NDEL1: variants seen among roughly 807,000 people sequenced by gnomAD.
The protein encoded by NDEL1 is nudE neurodevelopment protein 1 like 1.
In NDEL1, 9 loss-of-function variants were observed where a neutral mutation model predicts 45.7. That is an observed-to-expected ratio of 0.20 (90% confidence interval 0.12 to 0.34). NDEL1 has a LOEUF of 0.34. NDEL1 is among the 10% of genes least tolerant of loss of function. NDEL1 has a pLI of 1.00. For missense variants in NDEL1, 306 were observed against 406.2 expected, an observed-to-expected ratio of 0.75 and a Z score of 2.12; for synonymous variants, 133 against 158.6, an observed-to-expected ratio of 0.84 and a Z score of 1.21.
At chr17:8,439,489 A>C (rs1433034959) in intron 1 of NDEL1, among the ~76,000 whole-genome samples, 1 of 145,130 alleles carries the variant, frequency 6.9e-6, no homozygotes, top group East Asian at 2.1e-4. Flanking sequence ...CCTAACCTCA[A>C]GTGATCCGCC....
chr17:8,444,645 C>T (rs923574497), intron 2 of NDEL1: 11 of 272,180 alleles, frequency 4.0e-5, no homozygotes, highest in African/African-American at 2.3e-4. Flanking sequence ...ATCTTTGGCC[C>T]GTTTTGCATG....
At chr17:8,460,201 A>C in intron 8 of NDEL1, 41 bp downstream of exon 8, 1 of 1,589,654 alleles carries the variant, frequency 6.3e-7, no homozygotes. Context: ...TTTGAGTAGT[A>C]AAGTGACAGG....
chr17:8,436,158 G>GCGGGC (rs1020545077), intron 1 of NDEL1, 113 bp downstream of exon 1: 8 of 252,958 alleles, frequency 3.2e-5, no homozygotes, highest in South Asian at 1.7e-4. Flanking sequence ...CTCCGCCGGG[G>GCGGGC]CGGGCCGGGC....
At chr17:8,420,592 C>G (rs113947879) in intron 1 of NDEL1, among the ~76,000 whole-genome samples, 1 of 152,180 alleles carries the variant, frequency 6.6e-6, no homozygotes, top group African/African-American at 2.4e-5. Context: ...GGGGCCTGGA[C>G]GCTGTCCAGA....
intron 3 of NDEL1, 104 bp from the exon 4 acceptor site, chr17:8,446,650 G>A: frequency 9.0e-7 from 1 of 1,108,976 alleles, no homozygotes; most frequent in Non-Finnish European, 1.2e-6. Context: ...CAAGAGTGTG[G>A]GTAAATTCCT....
In NDEL1 at chr17:8,446,666, T is replaced by TCCTC; in HGVS notation, c.241-86_241-85insTCCC. ...AAGAGTGTGGGTAAATTCCTTGGGTTCCCCCCCACCCTTTTAACTTGAGTT... is the reference window on the plus strand; with the variant it reads ...AAGAGTGTGGGTAAATTCCTTGGGTTCCTCCCCCCCCACCCTTTTAACTTGAGTT... On this transcript the variant is annotated intron_variant, in intron 3 of 8. Coordinates refer to ENST00000334527, the MANE Select transcript of NDEL1 (RefSeq NM_030808.5). 3.2e-6 allele frequency: 4 copies of TCCTC among 1,262,256 alleles called. 1 individual carries two copies. The South Asian group carries it at 6.4e-5, about 20-fold the overall frequency. 78.2% of individuals were successfully genotyped at this position (1,262,256 alleles called of 1,614,324 possible). A position where few individuals can be genotyped will look rare whatever the true frequency, so the allele number is the denominator to read the frequency against.
intron 1 of NDEL1, among the ~76,000 whole-genome samples, chr17:8,440,144 C>CCA (rs1027530542): frequency 5.3e-5 from 8 of 152,104 alleles, no homozygotes; most frequent in African/African-American, 1.4e-4. Context: ...GTTAGAGGGG[C>CCA]CAATAAGCGG....
chr17:8,416,683 A>G (rs756029229), intron 1 of NDEL1, among the ~76,000 whole-genome samples: 1 of 152,128 alleles, frequency 6.6e-6, no homozygotes, highest in African/African-American at 2.4e-5. Flanking sequence ...GACCCTTTCA[A>G]TCTGGGTGCT....
At chr17:8,459,894 A>G in intron 7 of NDEL1, 115 bp from the exon 8 acceptor site, 1 of 1,047,922 alleles carries the variant, frequency 9.5e-7, no homozygotes, top group Non-Finnish European at 1.4e-6. Context: ...ACTAACCACC[A>G]TTATCAACTG....
At chr17:8,435,849 C>T (rs770246177), upstream of NDEL1, 12 of 446,414 alleles carry the variant, frequency 2.7e-5, no homozygotes, top group South Asian at 1.7e-4. Flanking sequence ...GAGCCCCGCC[C>T]CCGTGCGTCA....
intron 8 of NDEL1, chr17:8,463,283 G>C: frequency 6.4e-7 from 1 of 1,552,258 alleles, no homozygotes; most frequent in Non-Finnish European, 8.9e-7. Context: ...AATAGTATTC[G>C]TATTACTGTT....
intron 2 of NDEL1, 130 bp from the exon 3 acceptor site, chr17:8,445,581 A>G (rs1910029937): frequency 2.1e-6 from 2 of 936,990 alleles, no homozygotes; most frequent in Admixed American, 7.7e-5. Flanking sequence ...TGCAAAACAG[A>G]TTGTCTTTAG....
In NDEL1 at chr17:8,459,939, G is replaced by T. The variant is rs1175503529; in HGVS notation, c.793-70G>T. 5 of 1,497,332 alleles carry T rather than the reference G, an allele frequency of 3.3e-6. No individual in the cohort carries two copies. The East Asian group carries it at 1.1e-4, about 34-fold the overall frequency. 92.8% of individuals were successfully genotyped at this position (1,497,332 alleles called of 1,614,324 possible). On this transcript the variant is annotated intron_variant, in intron 7 of 8. Coordinates refer to ENST00000334527, the MANE Select transcript of NDEL1 (RefSeq NM_030808.5). ...AGTTTTGAGGCTTGAAATAGAAATG[G>T]TTTGAAATGCAAATTTTTATGTGCA...
chr17:8,470,182 C>T (rs1567748645), downstream of NDEL1, among the ~76,000 whole-genome samples: 2 of 152,120 alleles, frequency 1.3e-5, no homozygotes, highest in Admixed American at 6.5e-5. The surrounding 1 kb of genome is among the most constrained non-coding windows in gnomAD (Gnocchi z 4.2). Context: ...CGCTACGTAC[C>T]GTTTGCCTGT....
At chr17:8,434,315 C>G (rs142286543), upstream of NDEL1, among the ~76,000 whole-genome samples, 54 of 152,220 alleles carry the variant, frequency 3.5e-4, no homozygotes, top group Middle Eastern at 3.4e-3. Flanking sequence ...CTCCCGGGTT[C>G]GAGCGATTCT....
intron 4 of NDEL1, 96 bp from the exon 5 acceptor site, chr17:8,448,454 C>T (rs1910238706): frequency 2.2e-6 from 3 of 1,336,032 alleles, no homozygotes; most frequent in African/African-American, 2.9e-5. Flanking sequence ...CTGGCTAGGT[C>T]AGGAAATGTC....
intron 1 of NDEL1, among the ~76,000 whole-genome samples, chr17:8,414,614 C>G (rs547064027): frequency 1.3e-5 from 2 of 152,232 alleles, no homozygotes; most frequent in South Asian, 4.1e-4. Context: ...TGGCAGTGAG[C>G]TGAGATCGCG....
intron 2 of NDEL1, 36 bp downstream of exon 2, chr17:8,444,393 C>T: frequency 7.4e-7 from 1 of 1,356,980 alleles, no homozygotes; most frequent in Non-Finnish European, 1.1e-6. Context: ...TAGGGGAGGG[C>T]ATTTGGAATA....
intron 7 of NDEL1, 150 bp downstream of exon 7, chr17:8,455,037 G>A: frequency 4.2e-6 from 3 of 717,026 alleles, no homozygotes; most frequent in Middle Eastern, 5.4e-4. Context: ...GACTAGCCAA[G>A]TCCAGATGAC....
Sources: allele counts gnomAD v4.1 joint callset (sites outside exome capture counted in the v4.1 genomes callset), GRCh38; gene constraint gnomAD v4.1.1; non-coding constraint Gnocchi (gnomAD v3.1); transcripts MANE v1.5; gene names NCBI Gene and HGNC (gene_info 2026-07-23, HGNC 2026-07-21).